Variants in P2RX3 observed in about 807,000 individuals in gnomAD.
P2RX3 encodes purinergic receptor P2X 3.
P2RX3 carries 41 observed loss-of-function variants against 51.5 expected under a neutral mutation model. The observed-to-expected ratio is 0.80, with a 90% CI of 0.62 to 1.03. The LOEUF is 1.03. P2RX3 is among the 50% of genes least tolerant of loss of function. The pLI is 0.00. For missense variants in P2RX3, 459 were observed against 522.1 expected (o/e 0.88, Z 1.18); for synonymous variants, 185 against 191.6 (o/e 0.97, Z 0.29).
chr11:57,351,944 T>C (rs764056683), intron 8 of P2RX3, among the ~76,000 whole-genome samples: 3 of 152,218 alleles, frequency 2.0e-5, no homozygotes, highest in Non-Finnish European at 4.4e-5. Flanking sequence ...TTTTTGAAGA[T>C]CCTGAAGTTT....
intron 8 of P2RX3, among the ~76,000 whole-genome samples, chr11:57,355,250 G>A (rs1856609987): frequency 6.6e-6 from 1 of 152,138 alleles, no homozygotes; most frequent in African/African-American, 2.4e-5. Context: ...ATGAAAATGG[G>A]GACCATTGTC....
At chr11:57,337,376 A>C (rs1856252896), upstream of P2RX3, among the ~76,000 whole-genome samples, 1 of 151,038 alleles carries the variant, frequency 6.6e-6, no homozygotes, top group African/African-American at 2.4e-5. Flanking sequence ...AGAAAAAAAA[A>C]CCCAGCCCCA....
intron 1 of P2RX3, among the ~76,000 whole-genome samples, chr11:57,345,483 G>GT (rs1267501362): frequency 2.0e-5 from 3 of 152,152 alleles, no homozygotes; most frequent in African/African-American, 7.2e-5. Context: ...ATTTGATGAG[G>GT]TTTTCTCATC....
chr11:57,342,375 G>T (rs1329131476), intron 1 of P2RX3, among the ~76,000 whole-genome samples: 1 of 151,884 alleles, frequency 6.6e-6, no homozygotes, highest in Admixed American at 6.6e-5. Flanking sequence ...GGCCAGGCTG[G>T]TCTCGAACTC....
At chr11:57,350,627 G>T in intron 7 of P2RX3, 135 bp from the exon 8 acceptor site, 4 of 1,246,486 alleles carry the variant, frequency 3.2e-6, no homozygotes, top group Non-Finnish European at 4.5e-6. Context: ...GTCACTTTCC[G>T]TTCTCCCTGC....
In P2RX3 at chr11:57,368,369, C is replaced by G. The variant is rs752767106; in HGVS notation, c.937-3C>G. 1.2e-6 allele frequency: 2 copies of G among 1,614,162 alleles called. No individual in the cohort carries two copies. Among genetic ancestry groups the G allele is most frequent in the Admixed American group, 3.3e-5 (2 of 60,028 alleles). Reference sequence around the variant, plus strand: ...CCACTTGCCTTGGTCTTTGTGCACACAGGCTGGCAAGTTCAACATCATCCC... The same window carrying G: ...CCACTTGCCTTGGTCTTTGTGCACAGAGGCTGGCAAGTTCAACATCATCCC... On this transcript the variant is annotated splice_polypyrimidine_tract_variant and splice_region_variant and intron_variant, in intron 9 of 11. Transcript: ENST00000263314.
intron 1 of P2RX3, among the ~76,000 whole-genome samples, chr11:57,340,136 A>G (rs1000029743): frequency 6.6e-6 from 1 of 152,216 alleles, no homozygotes; most frequent in East Asian, 1.9e-4. Flanking sequence ...TGTATATTCA[A>G]TGCTGTGGTT....
intron 8 of P2RX3, among the ~76,000 whole-genome samples, chr11:57,356,605 C>G (rs531400615): frequency 6.6e-6 from 1 of 152,330 alleles, no homozygotes; most frequent in South Asian, 2.1e-4. Flanking sequence ...CAGGCAGAAA[C>G]GTGTGGATCA....
chr11:57,349,710 A>G (rs1856507961), intron 6 of P2RX3, 47 bp from the exon 7 acceptor site: 1 of 1,611,862 alleles, frequency 6.2e-7, no homozygotes. Context: ...GCACAAGACG[A>G]TCTTCCCATG....
chr11:57,348,212 G>C lies in P2RX3; in HGVS notation c.434G>C (p.Arg145Pro). ...GRCVNYSSVL[R>P]TCEIQGWCPT... ...TGCGTGAACTACAGCTCTGTGCTCC[G>C]GACCTGTGAGATCCAGGGCTGGTGC... Residue 145 changes from arginine (R) to proline (P), a missense_variant, in exon 5 of 12, where the codon CGG (arginine) becomes CCG (proline). By Grantham distance (103) the Arg-to-Pro change is moderately radical. Coordinates refer to ENST00000263314, the MANE Select transcript of P2RX3 (RefSeq NM_002559.5). 6.2e-7 allele frequency: 1 copy of C among 1,602,536 alleles called. No individual in the cohort carries two copies. Among genetic ancestry groups the C allele is most frequent in the Non-Finnish European group, 8.5e-7 (1 of 1,174,924 alleles).
chr11:57,364,710 A>G lies in P2RX3; in HGVS notation c.843-3299A>G, dbSNP rs568098871. ...CATCCTATTATCCTCCTTTTGCTGCACCTTGAATTCATTCTGTTTTGCCTT... is the reference window on the plus strand; with the variant it reads ...CATCCTATTATCCTCCTTTTGCTGCGCCTTGAATTCATTCTGTTTTGCCTT... On this transcript the variant is annotated intron_variant, in intron 8 of 11. Transcript: ENST00000263314. Among the ~76,000 whole-genome samples the G allele has an allele frequency of 2.0e-5, 3 of 152,120 alleles. No individual in the cohort carries two copies. In the South Asian group the frequency reaches 6.2e-4, roughly 32 times the overall value.
At chr11:57,358,738 T>G (rs1451557372) in intron 8 of P2RX3, among the ~76,000 whole-genome samples, 2 of 152,198 alleles carry the variant, frequency 1.3e-5, no homozygotes, top group Non-Finnish European at 2.9e-5. Flanking sequence ...GCACTATTAT[T>G]TATAGACCTA....
At chr11:57,364,375 G>A (rs569959673) in intron 8 of P2RX3, among the ~76,000 whole-genome samples, 103 of 152,292 alleles carry the variant, frequency 6.8e-4, no homozygotes, top group Middle Eastern at 3.4e-3. Flanking sequence ...TGGAGGCATC[G>A]GTATGGATTA....
chr11:57,348,499 C>T (rs1856483986), intron 5 of P2RX3, 128 bp from the exon 6 acceptor site: 1 of 791,908 alleles, frequency 1.3e-6, no homozygotes, highest in Non-Finnish European at 2.1e-6. Context: ...AGCCCACTCT[C>T]AAAGTGCCCT....
At position 57,350,745 on chromosome 11, in the gene P2RX3, C is replaced by T. The variant is rs1856531308; in HGVS notation, c.706-17C>T. 2 of 1,613,578 alleles carry T rather than the reference C, an allele frequency of 1.2e-6. No individual in the cohort carries two copies. Among genetic ancestry groups the T allele is most frequent in the African/African-American group, 2.7e-5 (2 of 74,822 alleles). On this transcript the variant is annotated splice_polypyrimidine_tract_variant and intron_variant, in intron 7 of 11. Coordinates refer to ENST00000263314, the MANE Select transcript of P2RX3 (RefSeq NM_002559.5). ...CAGAGGGCGAGGGGAAAGCTCATAC[C>T]CGGCCCGTTTCTTCAGGGGGGAGTT...
intron 8 of P2RX3, among the ~76,000 whole-genome samples, chr11:57,353,452 T>C (rs1856578685): frequency 6.6e-6 from 1 of 152,170 alleles, no homozygotes; most frequent in African/African-American, 2.4e-5. Flanking sequence ...AAAACATATT[T>C]CTTTGGATGA....
intron 6 of P2RX3, among the ~76,000 whole-genome samples, chr11:57,349,183 C>A (rs1162354105): frequency 6.6e-6 from 1 of 152,052 alleles, no homozygotes; most frequent in Non-Finnish European, 1.5e-5. Context: ...GTGCACTAGG[C>A]CAGGCGCAGT....
In P2RX3 at chr11:57,351,960, A is replaced by C. The variant is rs1381632037; in HGVS notation, c.842+1062A>C. Among the ~76,000 whole-genome samples the C allele has an allele frequency of 2.6e-5, 4 of 152,234 alleles. No homozygotes were observed. In the East Asian group the frequency reaches 7.7e-4, roughly 29 times the overall value. The stretch of plus-strand genomic sequence containing the variant: ...TTTTGAAGATCCTGAAGTTTCTGGC[A>C]GGGCCCTGTTTAAGTACACAGCATT... On this transcript the variant is annotated intron_variant, in intron 8 of 11. Transcript: ENST00000263314.
intron 4 of P2RX3, 80 bp downstream of exon 4, chr11:57,347,558 G>C: frequency 7.0e-7 from 1 of 1,427,038 alleles, no homozygotes; most frequent in Admixed American, 2.0e-5. Flanking sequence ...TGGAGAGGGA[G>C]TGGGAACCAG....
Sources: allele counts gnomAD v4.1 joint callset (sites outside exome capture counted in the v4.1 genomes callset), GRCh38; gene constraint gnomAD v4.1.1; transcripts MANE v1.5; gene names NCBI Gene and HGNC (gene_info 2026-07-23, HGNC 2026-07-21).